Variants in DYNC1I2 observed in about 807,000 individuals in gnomAD.
DYNC1I2 encodes the protein cytoplasmic dynein 1 intermediate chain 2.
Under a neutral mutation model 88.6 loss-of-function variants are expected in DYNC1I2, and 53 were observed. That is an observed-to-expected ratio of 0.60 (90% CI 0.48 to 0.75). The LOEUF (loss-of-function observed/expected upper bound fraction) is 0.75, where lower values mean the gene tolerates loss of function less well. Ranked by LOEUF, DYNC1I2 falls within the 30% of genes least tolerant of loss-of-function variation. The probability of loss-of-function intolerance (pLI) is 0.00; values close to 1 mark genes in which losing one functional copy is unlikely to be tolerated. For synonymous variants in DYNC1I2, 198 were observed against 254.6 expected, an observed-to-expected ratio of 0.78 and a Z score of 2.12; for missense variants, 458 against 766.6, an observed-to-expected ratio of 0.60 and a Z score of 4.75.
chr2:171,726,693 A>G (rs78270283), intron 10 of DYNC1I2, 98 bp from the exon 11 acceptor site: 41,784 of 1,396,022 alleles, frequency 0.03, 731 homozygotes, highest in Non-Finnish European at 0.034. Flanking sequence ...AGGTATTTGT[A>G]TTTGCAGAAT....
intron 3 of DYNC1I2, among the ~76,000 whole-genome samples, chr2:171,694,659 A>G (rs905790163): frequency 3.9e-5 from 6 of 151,958 alleles, no homozygotes; most frequent in Non-Finnish European, 8.8e-5. Context: ...CTCCGTCTCA[A>G]AAAAAAAGAA....
chr2:171,694,257 G>A (rs1428068042), intron 3 of DYNC1I2, among the ~76,000 whole-genome samples: 1 of 151,892 alleles, frequency 6.6e-6, no homozygotes, highest in African/African-American at 2.4e-5. Context: ...GGCTGGTCTC[G>A]AACTCCTGAC....
At chr2:171,745,740 T>C (rs1205508172) in intron 16 of DYNC1I2, 62 bp from the exon 17 acceptor site, 3 of 1,531,982 alleles carry the variant, frequency 2.0e-6, no homozygotes, top group Non-Finnish European at 2.7e-6. Flanking sequence ...ATTACTGTTT[T>C]ACATGTTTAT....
chr2:171,740,214 C>T (rs71415262), intron 15 of DYNC1I2, among the ~76,000 whole-genome samples: 2,018 of 152,180 alleles, frequency 0.013, 21 homozygotes, highest in Admixed American at 0.022. Flanking sequence ...TGTAATGAGA[C>T]GTTTACCCTC....
chr2:171,690,305 T>C, intron 2 of DYNC1I2, 42 bp downstream of exon 2: 1 of 1,378,646 alleles, frequency 7.3e-7, no homozygotes, highest in African/African-American at 1.5e-5. Context: ...CATAAAGTAA[T>C]TGGGTTTTAT....
At chr2:171,727,004 A>T in intron 11 of DYNC1I2, 88 bp downstream of exon 11, 1 of 1,373,300 alleles carries the variant, frequency 7.3e-7, no homozygotes, top group Non-Finnish European at 9.6e-7. Flanking sequence ...TCTTGTCAAC[A>T]TAATGATTTC....
chr2:171,716,762 C>T (rs910097171), intron 7 of DYNC1I2, among the ~76,000 whole-genome samples: 24 of 151,868 alleles, frequency 1.6e-4, no homozygotes, highest in African/African-American at 4.4e-4. Flanking sequence ...AAAAATTAGC[C>T]GAGCGTGGTG....
intron 16 of DYNC1I2, among the ~76,000 whole-genome samples, chr2:171,744,469 TA>T (rs889720982): frequency 5.9e-5 from 9 of 152,208 alleles, no homozygotes; most frequent in African/African-American, 1.9e-4. Flanking sequence ...ATTCATAAGA[TA>T]ACTGGGATGT....
chr2:171,710,524 C>CT (rs1463702325), intron 5 of DYNC1I2, among the ~76,000 whole-genome samples: 1 of 152,102 alleles, frequency 6.6e-6, no homozygotes, highest in African/African-American at 2.4e-5. Flanking sequence ...TTGAATCACT[C>CT]TAAGTGCCAA....
chr2:171,696,758 G>C (rs1387566343), intron 3 of DYNC1I2, among the ~76,000 whole-genome samples: 1 of 151,862 alleles, frequency 6.6e-6, no homozygotes, highest in Admixed American at 6.6e-5. Flanking sequence ...GGCATTTCTG[G>C]GCTCTCTATT....
Position 171,747,806 on chromosome 2 carries a change from G to C in DYNC1I2, c.1834G>C (p.Ala612Pro), listed in dbSNP as rs753731687. The C allele has an allele frequency of 6.2e-7, 1 of 1,610,770 alleles. No individual in the cohort carries two copies. Among genetic ancestry groups the C allele is most frequent in the Non-Finnish European group, 8.5e-7 (1 of 1,179,166 alleles). ...TGCTGTTCCCCGCAATGATGAATGG[G>C]CACGGTTTGGCCGAACACTTGCAGA... is the stretch of plus-strand genomic sequence containing the variant. ...QIAVPRNDEW[A>P]RFGRTLAEIN... is the part of the protein sequence containing the mutation. The change falls in exon 18 of 18, where the codon GCA (alanine) becomes CCA (proline). Residue 612 changes from alanine (A) to proline (P), a missense_variant. Ala to Pro is a conservative substitution (Grantham distance 27). This residue lies in a region of DYNC1I2 where 188 missense variants were observed against 300.4 expected (regional missense o/e 0.63). Coordinates refer to ENST00000397119, the MANE Select transcript of DYNC1I2 (RefSeq NM_001378.3).
intron 5 of DYNC1I2, 55 bp downstream of exon 5, chr2:171,707,432 T>TA: frequency 6.9e-7 from 1 of 1,458,242 alleles, no homozygotes. Flanking sequence ...AGTGCCCAAA[T>TA]ACTGTTGATA....
At chr2:171,705,582 T>C (rs1312846300) in intron 3 of DYNC1I2, among the ~76,000 whole-genome samples, 3 of 152,122 alleles carry the variant, frequency 2.0e-5, no homozygotes, top group African/African-American at 7.2e-5. Context: ...GGCAAACAAC[T>C]GTTAAGTATT....
intron 3 of DYNC1I2, among the ~76,000 whole-genome samples, chr2:171,699,339 T>C (rs1460833153): frequency 6.6e-6 from 1 of 152,040 alleles, no homozygotes; most frequent in Non-Finnish European, 1.5e-5. Flanking sequence ...TTAGCTAATA[T>C]TTTATTGAGG....
intron 5 of DYNC1I2, among the ~76,000 whole-genome samples, chr2:171,710,122 T>TATACAC (rs1358695266): frequency 4.2e-5 from 6 of 144,442 alleles, no homozygotes; most frequent in East Asian, 4.1e-4. Context: ...TATGTATATA[T>TATACAC]ACACACACAC....
intron 1 of DYNC1I2, 134 bp from the exon 2 acceptor site, chr2:171,690,013 T>C (rs963058920): frequency 1.5e-5 from 7 of 461,198 alleles, no homozygotes; most frequent in African/African-American, 1.0e-4. Flanking sequence ...AGCCCCATTA[T>C]TTTAAAAGTA....
At chr2:171,709,042 G>A (rs1403411021) in intron 5 of DYNC1I2, among the ~76,000 whole-genome samples, 4 of 149,626 alleles carry the variant, frequency 2.7e-5, no homozygotes, top group Non-Finnish European at 4.5e-5. Flanking sequence ...AAGTGAAAGC[G>A]TTTTTTTTTC....
At chr2:171,701,784 GAT>G (rs1686278803) in intron 3 of DYNC1I2, among the ~76,000 whole-genome samples, 9 of 152,184 alleles carry the variant, frequency 5.9e-5, no homozygotes, top group Admixed American at 4.6e-4. Flanking sequence ...TTTATAAATA[GAT>G]TATTAATAAA....
At chr2:171,709,909 G>T (rs1022778579) in intron 5 of DYNC1I2, among the ~76,000 whole-genome samples, 4 of 151,942 alleles carry the variant, frequency 2.6e-5, no homozygotes, top group African/African-American at 4.8e-5. Context: ...TAAAGACAGG[G>T]TTTCACCATG....
Sources: allele counts gnomAD v4.1 joint callset (sites outside exome capture counted in the v4.1 genomes callset), GRCh38; gene constraint gnomAD v4.1.1; regional missense constraint gnomAD v4.1.1; transcripts MANE v1.5; gene names NCBI Gene and HGNC (gene_info 2026-07-23, HGNC 2026-07-21).